R3HDM2: variants seen among roughly 807,000 people sequenced by gnomAD.
R3HDM2 encodes R3H domain containing 2, also known as R3H domain-containing protein 2.
A neutral mutation model predicts 124.5 loss-of-function variants in R3HDM2; 38 were observed. The ratio of observed to expected loss-of-function variants is 0.31; its 90% CI spans 0.24 to 0.40. The LOEUF (loss-of-function observed/expected upper bound fraction) is 0.40. Ranked by LOEUF, R3HDM2 falls within the 10% of genes least tolerant of loss-of-function variation. The pLI is 1.00. For missense variants in R3HDM2, 869 were observed against 1,236.9 expected, an observed-to-expected ratio of 0.70 and a Z score of 4.46; for synonymous variants, 391 against 448.0, an observed-to-expected ratio of 0.87 and a Z score of 1.61.
chr12:57,392,571 G>A (rs2066861237), intron 2 of R3HDM2, among the ~76,000 whole-genome samples: 1 of 152,098 alleles, frequency 6.6e-6, no homozygotes. Context: ...GAAGAACAAA[G>A]ATAAAGATGA....
At chr12:57,278,786 T>C (rs145918104) in intron 14 of R3HDM2, among the ~76,000 whole-genome samples, 179 of 152,302 alleles carry the variant, frequency 1.2e-3, no homozygotes, top group African/African-American at 4.0e-3. Flanking sequence ...GCAAATTACA[T>C]TTAGACACAA....
intron 2 of R3HDM2, among the ~76,000 whole-genome samples, chr12:57,323,189 C>T (rs1294601730): frequency 6.6e-6 from 1 of 152,102 alleles, no homozygotes; most frequent in Non-Finnish European, 1.5e-5. Flanking sequence ...ATGTTCTTTC[C>T]ATTACAGTGT....
chr12:57,315,079 CA>C (rs1418578805), intron 2 of R3HDM2, among the ~76,000 whole-genome samples: 1 of 151,420 alleles, frequency 6.6e-6, no homozygotes, highest in African/African-American at 2.4e-5. Flanking sequence ...CTCGCTCTGT[CA>C]CTCAGGTTGG....
chr12:57,336,720 C>G (rs1003329438), intron 2 of R3HDM2, among the ~76,000 whole-genome samples: 2 of 151,610 alleles, frequency 1.3e-5, no homozygotes, highest in Non-Finnish European at 2.9e-5. Context: ...GGGTACTGGG[C>G]TTAACACTGG....
At chr12:57,271,360 G>T (rs1335224515) in intron 14 of R3HDM2, among the ~76,000 whole-genome samples, 1 of 152,128 alleles carries the variant, frequency 6.6e-6, no homozygotes, top group Non-Finnish European at 1.5e-5. Context: ...AAGGGTGATG[G>T]TGTTCCATCT....
chr12:57,416,658 A>G (rs899128097), intron 1 of R3HDM2, among the ~76,000 whole-genome samples: 1 of 152,084 alleles, frequency 6.6e-6, no homozygotes, highest in Non-Finnish European at 1.5e-5. Context: ...AATACAAAAA[A>G]TTAGCCGGCA....
At chr12:57,311,985 C>T (rs2054011155) in intron 2 of R3HDM2, among the ~76,000 whole-genome samples, 1 of 152,206 alleles carries the variant, frequency 6.6e-6, no homozygotes, top group South Asian at 2.1e-4. Flanking sequence ...CGAAGTCAAA[C>T]ATGTTTAGCT....
intron 1 of R3HDM2, among the ~76,000 whole-genome samples, chr12:57,409,512 CA>C (rs71448520): frequency 1.7e-3 from 167 of 98,130 alleles, no homozygotes; most frequent in East Asian, 8.8e-3. Context: ...AGAGGTGGGG[CA>C]AAAAAAAAAA....
chr12:57,340,898 CAA>C (rs528128527), intron 2 of R3HDM2, among the ~76,000 whole-genome samples: 8 of 127,374 alleles, frequency 6.3e-5, no homozygotes, highest in Non-Finnish European at 8.6e-5. Context: ...ATACTCAATC[CAA>C]AAAAAAAAAA....
At chr12:57,370,405 G>GA in intron 2 of R3HDM2, among the ~76,000 whole-genome samples, 1 of 133,282 alleles carries the variant, frequency 7.5e-6, no homozygotes, top group Non-Finnish European at 1.6e-5. Context: ...CCCGGGGGGG[G>GA]GGGGCGGGGT....
At chr12:57,317,384 C>A (rs1171761358) in intron 2 of R3HDM2, among the ~76,000 whole-genome samples, 1 of 151,752 alleles carries the variant, frequency 6.6e-6, no homozygotes, top group African/African-American at 2.4e-5. Flanking sequence ...GGGGTTTTGC[C>A]ATGTCACCCA....
chr12:57,380,512 T>G (rs1001690744), intron 2 of R3HDM2, among the ~76,000 whole-genome samples: 1 of 152,216 alleles, frequency 6.6e-6, no homozygotes, highest in Non-Finnish European at 1.5e-5. Context: ...ATGTTCTTTC[T>G]GTGTTACACA....
Position 57,299,417 on chromosome 12 carries a change from T to C in R3HDM2, c.356A>G (p.Asp119Gly). 2 of 1,544,552 alleles carry C rather than the reference T, an allele frequency of 1.3e-6. No individual in the cohort carries two copies. The highest frequency in any genetic ancestry group is 1.8e-6 in the Non-Finnish European group (2 of 1,140,266). The change falls in exon 6 of 24, where the codon GAT (aspartate) becomes GGT (glycine). Residue 119 changes from aspartate (D) to glycine (G), a missense_variant. By Grantham distance (94) the Asp-to-Gly change is moderately conservative. Transcript: ENST00000402412. ...SDKEEEKSTKDVSEKEDKDKN... is the reference protein window; with the variant it reads ...SDKEEEKSTKGVSEKEDKDKN... The stretch of plus-strand genomic sequence containing the variant: ...GTCCTTGTCTTCCTTTTCAGAGACA[T>C]CTTTTGTGGACTTTTCTTCCTCCTT...
rs1416140146 is a variant in R3HDM2, at chr12:57,390,187, AAG to A, written c.-36+5560_-36+5561del. On this transcript the variant is annotated intron_variant, in intron 2 of 23. Transcript: ENST00000402412. ...GAGAAATAACTAAAAAAAAAAAAGA[AAG>A]AAAGAAAAAAAGAAAAAATATATGA... Among the ~76,000 whole-genome samples, 4 of 151,814 alleles carry A rather than the reference AAG, an allele frequency of 2.6e-5. No individual in the cohort carries two copies. The East Asian group carries it at 7.7e-4, about 29-fold the overall frequency.
At position 57,353,509 on chromosome 12, in the gene R3HDM2, C is replaced by T. The variant is rs184635304; in HGVS notation, c.-36+42240G>A. Among the ~76,000 whole-genome samples the T allele has an allele frequency of 9.7e-4, 148 of 152,218 alleles. 1 individual carries two copies. In the East Asian group the frequency reaches 0.012, roughly 12 times the overall value. ...GTTAATTTTATTGTTGAGTTATACACCATTGAATAGATAAAGCATAATTTA... is the reference window on the plus strand; with the variant it reads ...GTTAATTTTATTGTTGAGTTATACATCATTGAATAGATAAAGCATAATTTA... On this transcript the variant is annotated intron_variant, in intron 2 of 23. Transcript: ENST00000402412.
intron 2 of R3HDM2, among the ~76,000 whole-genome samples, chr12:57,378,807 T>C (rs2064432354): frequency 6.6e-6 from 1 of 152,238 alleles, no homozygotes; most frequent in South Asian, 2.1e-4. Flanking sequence ...CTATTCATAA[T>C]AGCTACATGG....
chr12:57,421,841 A>G (rs2070230035), intron 1 of R3HDM2, among the ~76,000 whole-genome samples: 3 of 152,132 alleles, frequency 2.0e-5, no homozygotes, highest in African/African-American at 4.8e-5. Flanking sequence ...TCATGCCTGT[A>G]ATCCCAGCAC....
At chr12:57,298,060 C>G (rs766572638) in intron 7 of R3HDM2, 30 bp downstream of exon 7, 2 of 1,503,504 alleles carry the variant, frequency 1.3e-6, no homozygotes, top group African/African-American at 1.4e-5. Context: ...CCCCTAACCC[C>G]TTTTCCTCTT....
chr12:57,327,415 C>T (rs1005639332), intron 2 of R3HDM2, among the ~76,000 whole-genome samples: 1 of 147,118 alleles, frequency 6.8e-6, no homozygotes, highest in African/African-American at 2.5e-5. Context: ...TGCAGTGAGC[C>T]GAGATCGCGC....
Sources: gnomAD v4.1 joint callset for allele counts (sites outside exome capture counted in the v4.1 genomes callset) on GRCh38, gnomAD v4.1.1 for gene constraint, MANE v1.5 for transcripts, NCBI Gene and HGNC (gene_info 2026-07-23, HGNC 2026-07-21) for gene names.